Variants in ARIH2 observed in about 807,000 individuals in gnomAD.
The protein encoded by ARIH2 is E3 ubiquitin-protein ligase ARIH2.
Under a neutral mutation model 79.8 loss-of-function variants are expected in ARIH2, and 12 were observed. The ratio of observed to expected loss-of-function variants is 0.15; its 90% CI spans 0.10 to 0.24. The LOEUF (loss-of-function observed/expected upper bound fraction) is 0.24, where lower values mean the gene tolerates loss of function less well. Among genes scored for constraint, ARIH2 ranks in the 10% least tolerant of loss-of-function variants. The pLI, the probability that ARIH2 is intolerant of heterozygous loss-of-function variation, is 1.00. For missense variants in ARIH2, 301 were observed against 618.3 expected (o/e 0.49, Z 5.44); for synonymous variants, 224 against 213.9 (o/e 1.05, Z -0.41).
intron 1 of ARIH2, among the ~76,000 whole-genome samples, chr3:48,919,943 C>A (rs535100963): frequency 6.6e-6 from 1 of 151,872 alleles, no homozygotes; most frequent in Non-Finnish European, 1.5e-5. Flanking sequence ...TTGTTAGGTC[C>A]CCTGAACATG....
chr3:48,935,214 C>T (rs1440420150), intron 3 of ARIH2, among the ~76,000 whole-genome samples: 2 of 152,186 alleles, frequency 1.3e-5, no homozygotes, highest in African/African-American at 4.8e-5. Context: ...CTGTGCCAGG[C>T]ACATAACAGG....
chr3:48,932,512 T>C (rs1057494134), intron 3 of ARIH2, among the ~76,000 whole-genome samples: 1 of 152,258 alleles, frequency 6.6e-6, no homozygotes, highest in African/African-American at 2.4e-5. Flanking sequence ...TATTACAAAA[T>C]GTGCAGTAGT....
intron 3 of ARIH2, among the ~76,000 whole-genome samples, chr3:48,937,336 C>G: frequency 6.6e-6 from 1 of 152,080 alleles, no homozygotes; most frequent in East Asian, 1.9e-4. Flanking sequence ...CCTGGATTCT[C>G]TATCTTAATT....
In ARIH2 at chr3:48,964,936, C is replaced by T. The variant is rs1443845395; in HGVS notation, c.341C>T (p.Ala114Val). The change falls in exon 5 of 16, where the codon GCT (alanine) becomes GTT (valine). Residue 114 changes from alanine (A) to valine (V), a missense_variant. Around this residue, in one of 2 missense-constraint regions of ARIH2, gnomAD observed 223 missense variants for 349.4 expected, o/e 0.64. Transcript: ENST00000356401. ...EILDRYKSNSAQLLVEARVQP... is the reference protein window; with the variant it reads ...EILDRYKSNSVQLLVEARVQP... ...TTTTGTAGATACAAGTCCAATTCTG[C>T]TCAACTGCTTGTTGAGGCTCGAGTT... is the stretch of plus-strand genomic sequence containing the variant. The T allele has an allele frequency of 6.2e-7, 1 of 1,613,592 alleles. No individual in the cohort carries two copies. The highest frequency in any genetic ancestry group is 2.2e-5 in the East Asian group (1 of 44,846).
Position 48,952,236 on chromosome 3 carries a change from A to G in ARIH2, c.256-9376A>G, listed in dbSNP as rs535035299. ...GTTCTTTAATTTCTAAATGTATGCTACAAAGAAGGGCATTATTGGTAGCTG... is the reference window on the plus strand; with the variant it reads ...GTTCTTTAATTTCTAAATGTATGCTGCAAAGAAGGGCATTATTGGTAGCTG... On this transcript the variant is annotated intron_variant, in intron 3 of 15. Transcript: ENST00000356401. 6.1e-4 allele frequency among the ~76,000 whole-genome samples: 93 copies of G among 152,288 alleles called. 3 individuals are homozygous for G. The South Asian group carries it at 0.019, about 31-fold the overall frequency.
chr3:48,939,965 T>G (rs7647093), intron 3 of ARIH2, among the ~76,000 whole-genome samples: 100,211 of 151,630 alleles, frequency 0.66, 33,766 homozygotes, highest in East Asian at 0.96. Flanking sequence ...GGCTCATGCC[T>G]GTAATCCCAG....
rs754314513 is a variant in ARIH2 at position 48,927,653 on chromosome 3, C to T, written c.95C>T (p.Pro32Leu). 1 of 1,613,888 alleles carries T rather than the reference C, an allele frequency of 6.2e-7. No individual in the cohort carries two copies. Among genetic ancestry groups the T allele is most frequent in the Non-Finnish European group, 8.5e-7 (1 of 1,179,902 alleles). The change falls in exon 3 of 16, where the codon CCT becomes CTT. Residue 32 changes from proline to leucine, a missense_variant. Physicochemically the swap from Pro to Leu is moderately conservative, Grantham distance 98. This residue lies in a region of ARIH2 where 223 missense variants were observed against 349.4 expected (regional missense o/e 0.64). Coordinates refer to ENST00000356401, the MANE Select transcript of ARIH2 (RefSeq NM_006321.4). ...EEEEEEEEDD[P>L]GDIEDYYVGV... ...GAGGAAGAAGAAGAAGAAGACGACCCTGGGGACATAGAGGACTATTACGTG... is the reference window on the plus strand; with the variant it reads ...GAGGAAGAAGAAGAAGAAGACGACCTTGGGGACATAGAGGACTATTACGTG...
Position 48,937,685 on chromosome 3 carries a change from C to T in ARIH2, c.255+9872C>T, listed in dbSNP as rs192561179. Among the ~76,000 whole-genome samples the T allele has an allele frequency of 2.8e-3, 423 of 152,228 alleles. 3 individuals carry two copies. The highest frequency in any genetic ancestry group is 9.5e-3 in the African/African-American group (393 of 41,544). On this transcript the variant is annotated intron_variant, in intron 3 of 15. Coordinates refer to ENST00000356401, the MANE Select transcript of ARIH2 (RefSeq NM_006321.4). ...TCCAAACCTCTACTTCTGTGTGCTT[C>T]AATTTGTAAACAGAAGACATTCTCT...
intron 3 of ARIH2, chr3:48,935,008 A>T (rs541765212): frequency 1.0e-6 from 1 of 958,352 alleles, no homozygotes; most frequent in South Asian, 4.8e-5. Context: ...GAGTTTATAA[A>T]TTTTTTTGTC....
At chr3:48,936,901 G>A (rs962020570) in intron 3 of ARIH2, among the ~76,000 whole-genome samples, 3 of 151,704 alleles carry the variant, frequency 2.0e-5, no homozygotes, top group Non-Finnish European at 4.4e-5. Context: ...GGTGGCAGGC[G>A]CCTATAGTCC....
rs2084281445 is a variant in ARIH2, at chr3:48,918,872, G to C, written c.-288G>C. On this transcript the variant is annotated 5_prime_UTR_variant, in exon 1 of 16. Transcript: ENST00000356401. ...TGTGGGGACGACTCTTCTGGAGGAA[G>C]CAGCGCGGGCTTGACCGGCGTCGGC... 6.2e-7 allele frequency: 1 copy of C among 1,609,604 alleles called. No individual in the cohort carries two copies. The highest frequency in any genetic ancestry group is 8.5e-7 in the Non-Finnish European group (1 of 1,179,494).
chr3:48,949,274 C>T (rs536352137), intron 3 of ARIH2, among the ~76,000 whole-genome samples: 20 of 152,290 alleles, frequency 1.3e-4, no homozygotes, highest in South Asian at 1.2e-3. Flanking sequence ...CCCGCCGTGA[C>T]GCCCGGCTAG....
intron 3 of ARIH2, chr3:48,944,902 C>T (rs55786114): frequency 0.05 from 18,239 of 363,522 alleles, 650 homozygotes; most frequent in Non-Finnish European, 0.077. Flanking sequence ...TTTCCTATAT[C>T]ATGTCCCATT....
At chr3:48,948,346 G>A (rs2089492951) in intron 3 of ARIH2, among the ~76,000 whole-genome samples, 2 of 151,916 alleles carry the variant, frequency 1.3e-5, no homozygotes, top group South Asian at 4.2e-4. Flanking sequence ...TCGGCTCACC[G>A]CAACCTTTGC....
chr3:48,932,533 T>C (rs1414801103), intron 3 of ARIH2, among the ~76,000 whole-genome samples: 1 of 152,182 alleles, frequency 6.6e-6, no homozygotes. Flanking sequence ...TAGCCAATAA[T>C]TTTTTTCAGT....
At position 48,934,026 on chromosome 3, in the gene ARIH2, T is replaced by A. The variant is rs532944034; in HGVS notation, c.255+6213T>A. 2.0e-3 allele frequency among the ~76,000 whole-genome samples: 303 copies of A among 152,336 alleles called. 4 individuals are homozygous for A. The highest frequency in any genetic ancestry group is 3.4e-3 in the Middle Eastern group (1 of 294). On this transcript the variant is annotated intron_variant, in intron 3 of 15. Coordinates refer to ENST00000356401, the MANE Select transcript of ARIH2 (RefSeq NM_006321.4). ...TGCCATACTCTTTTGTGAATTTTTT[T>A]AAAAATCTGGTGTTTGCTCTTTAGC... is the stretch of plus-strand genomic sequence containing the variant.
intron 2 of ARIH2, among the ~76,000 whole-genome samples, chr3:48,923,384 A>T (rs2106830018): frequency 6.6e-6 from 1 of 150,440 alleles, no homozygotes; most frequent in East Asian, 2.0e-4. Flanking sequence ...AGGGTGACAG[A>T]GTGAGACTCT....
chr3:48,954,142 A>G (rs1221167534), intron 3 of ARIH2, among the ~76,000 whole-genome samples: 3 of 151,126 alleles, frequency 2.0e-5, no homozygotes, highest in South Asian at 2.1e-4. Context: ...GCGTGGGGAC[A>G]GGAGCGAGAC....
At chr3:48,923,513 T>C (rs1215419939) in intron 2 of ARIH2, among the ~76,000 whole-genome samples, 1 of 151,674 alleles carries the variant, frequency 6.6e-6, no homozygotes, top group African/African-American at 2.4e-5. Context: ...TCAACTTAGA[T>C]ATAGTGAGTG....
Sources: allele counts gnomAD v4.1 joint callset (sites outside exome capture counted in the v4.1 genomes callset), GRCh38; gene constraint gnomAD v4.1.1; regional missense constraint gnomAD v4.1.1; transcripts MANE v1.5; gene names NCBI Gene and HGNC (gene_info 2026-07-23, HGNC 2026-07-21).